SLC35D4: variants seen among roughly 807,000 people sequenced by gnomAD.
SLC35D4 encodes solute carrier family 35 member D4, also known as UDP-N-acetylglucosamine transporter SLC35D4.
chr18:23,249,784 G>A, the SLC35D4 span, among the ~76,000 whole-genome samples: 1 of 151,992 alleles, frequency 6.6e-6, no homozygotes, highest in Admixed American at 6.6e-5. Context: ...CACTGCTAGC[G>A]ATCTTCTCGG....
the SLC35D4 span, among the ~76,000 whole-genome samples, chr18:23,434,765 G>A: frequency 6.6e-6 from 1 of 152,108 alleles, no homozygotes; most frequent in Non-Finnish European, 1.5e-5. Context: ...CTGCACTCCA[G>A]CCTGGGTGAC....
chr18:23,267,864 T>C, the SLC35D4 span, among the ~76,000 whole-genome samples: 1 of 152,210 alleles, frequency 6.6e-6, no homozygotes, highest in East Asian at 1.9e-4. Flanking sequence ...CCATGTGCAC[T>C]GAACAGAGTC....
At chr18:23,354,352 A>T in the SLC35D4 span, among the ~76,000 whole-genome samples, 1 of 82,672 alleles carries the variant, frequency 1.2e-5, no homozygotes, top group African/African-American at 3.7e-5. Context: ...ATACAAAAAA[A>T]AAAAAAAAAA....
At chr18:23,400,224 G>C in the SLC35D4 span, among the ~76,000 whole-genome samples, 1 of 152,202 alleles carries the variant, frequency 6.6e-6, no homozygotes, top group African/African-American at 2.4e-5. Context: ...TTCAATTGTA[G>C]CCACACCACG....
chr18:23,347,916 T>C, the SLC35D4 span, among the ~76,000 whole-genome samples: 1 of 152,222 alleles, frequency 6.6e-6, no homozygotes, highest in African/African-American at 2.4e-5. Context: ...TCTAGTTTCT[T>C]AAGATGGAAG....
chr18:23,354,951 G>T, the SLC35D4 span, among the ~76,000 whole-genome samples: 1 of 152,152 alleles, frequency 6.6e-6, no homozygotes, highest in Non-Finnish European at 1.5e-5. Flanking sequence ...GCAGAGGGAG[G>T]CTCCCAGAAA....
chr18:23,389,830 A>G, the SLC35D4 span, among the ~76,000 whole-genome samples: 1 of 152,178 alleles, frequency 6.6e-6, no homozygotes, highest in Non-Finnish European at 1.5e-5. Context: ...GTAAGCCACC[A>G]TACCCGGCCA....
the SLC35D4 span, among the ~76,000 whole-genome samples, chr18:23,401,006 A>T: frequency 1.3e-5 from 2 of 152,238 alleles, no homozygotes; most frequent in African/African-American, 4.8e-5. Context: ...TTTATTGAAC[A>T]CTTGCCACAA....
At chr18:23,300,534 T>C in the SLC35D4 span, among the ~76,000 whole-genome samples, 5 of 152,350 alleles carry the variant, frequency 3.3e-5, no homozygotes, top group East Asian at 9.6e-4. Context: ...TCCCTTGGCC[T>C]GAACTACTTT....
the SLC35D4 span, among the ~76,000 whole-genome samples, chr18:23,306,753 G>T: frequency 2.4e-4 from 37 of 152,176 alleles, no homozygotes; most frequent in African/African-American, 8.7e-4. Context: ...TTCCATGGGG[G>T]GGAAAAATCT....
the SLC35D4 span, among the ~76,000 whole-genome samples, chr18:23,309,172 T>C: frequency 6.6e-6 from 1 of 151,130 alleles, no homozygotes; most frequent in Admixed American, 6.6e-5. Context: ...AACTGCATTG[T>C]TGACCCACAG....
At chr18:23,436,314 C>T in the SLC35D4 span, among the ~76,000 whole-genome samples, 1 of 180 alleles carries the variant, frequency 5.6e-3, no homozygotes, top group Non-Finnish European at 0.011. Flanking sequence ...AGGCGTGAGC[C>T]ACCACGCCCG....
At chr18:23,253,118 A>C in the SLC35D4 span, 1 of 986,196 alleles carries the variant, frequency 1.0e-6, no homozygotes, top group East Asian at 2.4e-5. Flanking sequence ...CCCTCTTTCC[A>C]CACACCGTAA....
At chr18:23,312,832 A>G in the SLC35D4 span, among the ~76,000 whole-genome samples, 1 of 152,174 alleles carries the variant, frequency 6.6e-6, no homozygotes, top group African/African-American at 2.4e-5. Flanking sequence ...CAAAGGGTGG[A>G]AAGAACCTGA....
the SLC35D4 span, among the ~76,000 whole-genome samples, chr18:23,249,495 AG>A: frequency 6.6e-6 from 1 of 152,192 alleles, no homozygotes; most frequent in African/African-American, 2.4e-5. Flanking sequence ...TGCAGGTGCG[AG>A]GCCCCACCCT....
the SLC35D4 span, among the ~76,000 whole-genome samples, chr18:23,275,079 T>C: frequency 2.0e-5 from 3 of 149,262 alleles, no homozygotes; most frequent in East Asian, 2.0e-4. Flanking sequence ...TGTGTGTGTG[T>C]GTGCTTGTGT....
the SLC35D4 span, among the ~76,000 whole-genome samples, chr18:23,277,050 C>CA: frequency 4.3e-4 from 65 of 152,322 alleles, no homozygotes; most frequent in South Asian, 0.013. Context: ...TCTCATGAGT[C>CA]TAGATTTTGC....
chr18:23,347,399 ATCTC>A, the SLC35D4 span, among the ~76,000 whole-genome samples: 10 of 149,122 alleles, frequency 6.7e-5, no homozygotes, highest in Middle Eastern at 3.4e-3. Context: ...GATAATTTGC[ATCTC>A]TCTCTCTCTC....
chr18:23,350,760 C>A, the SLC35D4 span, among the ~76,000 whole-genome samples: 2 of 152,098 alleles, frequency 1.3e-5, no homozygotes, highest in Admixed American at 6.6e-5. Context: ...CAGAGTGAAC[C>A]CCTCTTGGAA....
Sources: gnomAD v4.1 joint callset for allele counts (sites outside exome capture counted in the v4.1 genomes callset) on GRCh38, gnomAD v4.1.1 for gene constraint, MANE v1.5 for transcripts, NCBI Gene and HGNC (gene_info 2026-07-23, HGNC 2026-07-21) for gene names.